Variants in ALAS1 observed in about 807,000 individuals in gnomAD.
ALAS1 encodes 5'-aminolevulinate synthase 1.
In ALAS1, 29 loss-of-function variants were observed where a neutral mutation model predicts 59.6. That is an observed-to-expected ratio of 0.49 (90% confidence interval 0.36 to 0.66). The LOEUF (loss-of-function observed/expected upper bound fraction) is 0.66. Ranked by LOEUF, ALAS1 falls within the 30% of genes least tolerant of loss-of-function variation. The pLI is 0.00. For missense variants in ALAS1, 690 were observed against 807.5 expected (o/e 0.85, Z 1.76); for synonymous variants, 299 against 296.6 (o/e 1.01, Z -0.08).
rs374639455 is a variant in ALAS1 at position 52,206,635 on chromosome 3, G to A, written c.1049G>A (p.Arg350Gln). 55 of 1,614,050 alleles carry A rather than the reference G, an allele frequency of 3.4e-5. No individual in the cohort carries two copies. The East Asian group carries it at 1.0e-3, about 29-fold the overall frequency. Residue 350 changes from arginine (R) to glutamine (Q), a missense_variant, in exon 8 of 12, where the codon CGA becomes CAA. Arg to Gln is a conservative substitution (Grantham distance 43, BLOSUM62 1). Coordinates refer to ENST00000484952, the MANE Select transcript of ALAS1 (RefSeq NM_000688.6). ...ATGATCCAAGGGATTCGAAACAGCCGAGTGCCAAAGTACATCTTCCGCCAC... is the reference window on the plus strand; with the variant it reads ...ATGATCCAAGGGATTCGAAACAGCCAAGTGCCAAAGTACATCTTCCGCCAC... ...ASMIQGIRNS[R>Q]VPKYIFRHND... is the part of the protein sequence containing the mutation.
chr3:52,204,568 A>G, intron 5 of ALAS1, 125 bp from the exon 6 acceptor site: 2 of 721,996 alleles, frequency 2.8e-6, no homozygotes, highest in Non-Finnish European at 4.7e-6. Context: ...TACTTACAAG[A>G]TGAGGACATC....
intron 7 of ALAS1, 96 bp from the exon 8 acceptor site, chr3:52,206,476 C>T: frequency 7.2e-7 from 1 of 1,397,054 alleles, no homozygotes; most frequent in Non-Finnish European, 9.9e-7. Flanking sequence ...TAGGCATTTT[C>T]AAAGCATCAT....
intron 9 of ALAS1, among the ~76,000 whole-genome samples, chr3:52,210,956 G>A (rs1394622895): frequency 1.3e-5 from 2 of 152,188 alleles, no homozygotes; most frequent in Non-Finnish European, 1.5e-5. Context: ...GGTATGGCGT[G>A]TTGCTCCTAG....
chr3:52,212,561 C>A (rs924790343), intron 11 of ALAS1, 141 bp downstream of exon 11: 9 of 1,113,364 alleles, frequency 8.1e-6, no homozygotes, highest in Non-Finnish European at 9.2e-6. Flanking sequence ...ACAAGAGTTT[C>A]GCTCTTGTTG....
At chr3:52,213,880 G>A (rs546242023) in intron 11 of ALAS1, 140 bp from the exon 12 acceptor site, 2 of 724,622 alleles carry the variant, frequency 2.8e-6, no homozygotes, top group African/African-American at 1.8e-5. Context: ...TCTATTGGTG[G>A]ACATTTGGTT....
At chr3:52,201,491 C>G (rs956964785) in intron 3 of ALAS1, among the ~76,000 whole-genome samples, 4 of 152,282 alleles carry the variant, frequency 2.6e-5, no homozygotes, top group East Asian at 3.9e-4. Context: ...GTGGCTCATG[C>G]CTGTAATTCC....
chr3:52,198,658 C>T lies in ALAS1; in HGVS notation c.-209-14C>T. The T allele has an allele frequency of 1.4e-6, 1 of 738,598 alleles. No individual in the cohort carries two copies. Among genetic ancestry groups the T allele is most frequent in the Non-Finnish European group, 2.3e-6 (1 of 442,550 alleles). 45.8% of individuals were successfully genotyped at this position (738,598 alleles called of 1,614,324 possible). A position where few individuals can be genotyped will look rare whatever the true frequency, so the allele number is the denominator to read the frequency against. ...CTCATACCCCTACCCTCATTTGTGC[C>T]CCTCCTTTCTCAGTTATGCCCAGTT... On this transcript the variant is annotated splice_polypyrimidine_tract_variant and intron_variant, in intron 1 of 11. Transcript: ENST00000484952.
intron 9 of ALAS1, 72 bp from the exon 10 acceptor site, chr3:52,211,211 A>G (rs1699398119): frequency 6.4e-7 from 1 of 1,555,700 alleles, no homozygotes; most frequent in Non-Finnish European, 8.7e-7. Context: ...TTGAGGCTCC[A>G]CAACACCTTG....
At chr3:52,208,659 T>A (rs1479648382) in intron 9 of ALAS1, among the ~76,000 whole-genome samples, 1 of 152,238 alleles carries the variant, frequency 6.6e-6, no homozygotes, top group East Asian at 1.9e-4. Flanking sequence ...GGGAACATTC[T>A]AATTCATCCT....
At chr3:52,212,188 T>C in intron 10 of ALAS1, 70 bp from the exon 11 acceptor site, 1 of 1,441,600 alleles carries the variant, frequency 6.9e-7, no homozygotes. Context: ...GGGGACTGCG[T>C]TCGTTAGGAT....
At position 52,204,928 on chromosome 3, in the gene ALAS1, T is replaced by C. The variant is rs1357666761; in HGVS notation, c.800+13T>C. 1.2e-6 allele frequency: 2 copies of C among 1,605,690 alleles called. No homozygotes were observed. Among genetic ancestry groups the C allele is most frequent in the East Asian group, 4.5e-5 (2 of 44,854 alleles). On this transcript the variant is annotated intron_variant, in intron 6 of 11. Coordinates refer to ENST00000484952, the MANE Select transcript of ALAS1 (RefSeq NM_000688.6). ...GTGGGGCAGTTATGTAAGTAGCCCT[T>C]GGCTTTCAAATATTACTGTTGTTAT... is the stretch of plus-strand genomic sequence containing the variant.
In ALAS1 at chr3:52,212,395, AC is replaced by A; in HGVS notation, c.1741del (p.Gln581ArgfsTer2). On this transcript the variant is annotated frameshift_variant, in exon 11 of 12. Coordinates refer to ENST00000484952, the MANE Select transcript of ALAS1 (RefSeq NM_000688.6). LOFTEE classifies it high-confidence loss of function. ...LRIAPTPHHT[P>X]QMMNYFLENL... Reference sequence around the variant, plus strand: ...GGATTGCCCCCACCCCTCACCACACACCCCAGATGATGAACTACTTCCTTGG... The same window carrying A: ...GGATTGCCCCCACCCCTCACCACACACCCAGATGATGAACTACTTCCTTGG... The A allele has an allele frequency of 6.2e-7, 1 of 1,613,746 alleles. No individual in the cohort carries two copies.
At position 52,198,657 on chromosome 3, in the gene ALAS1, C is replaced by T. The variant is rs1368499015; in HGVS notation, c.-209-15C>T. The T allele has an allele frequency of 4.1e-6, 3 of 732,520 alleles. No homozygotes were observed. In the East Asian group the frequency reaches 8.0e-5, roughly 20 times the overall value. The allele number at this position is 732,520 out of a possible 1,614,324, so 45.4% of individuals were successfully genotyped here. A position where few individuals can be genotyped will look rare whatever the true frequency, so the allele number is the denominator to read the frequency against. On this transcript the variant is annotated splice_polypyrimidine_tract_variant and intron_variant, in intron 1 of 11. Coordinates refer to ENST00000484952, the MANE Select transcript of ALAS1 (RefSeq NM_000688.6). ...CCTCATACCCCTACCCTCATTTGTGCCCCTCCTTTCTCAGTTATGCCCAGT... is the reference window on the plus strand; with the variant it reads ...CCTCATACCCCTACCCTCATTTGTGTCCCTCCTTTCTCAGTTATGCCCAGT...
intron 4 of ALAS1, among the ~76,000 whole-genome samples, 199 bp from the exon 5 acceptor site, chr3:52,203,664 G>C (rs1699235992): frequency 6.6e-6 from 1 of 152,196 alleles, no homozygotes; most frequent in Admixed American, 6.5e-5. Flanking sequence ...CAGTAGCTCT[G>C]AAAACAACAC....
chr3:52,198,112 G>C (rs1699104191), upstream of ALAS1: 1 of 397,886 alleles, frequency 2.5e-6, no homozygotes, highest in African/African-American at 2.1e-5. Context: ...AGGCGCATGC[G>C]CAGCGGTCAC....
At chr3:52,212,537 G>GTTT in intron 11 of ALAS1, 117 bp downstream of exon 11, 10 of 1,215,726 alleles carry the variant, frequency 8.2e-6, no homozygotes, top group Non-Finnish European at 1.0e-5. Context: ...TCTTTTTTTA[G>GTTT]TTTTTTTTTT....
chr3:52,205,054 A>G, intron 6 of ALAS1, 139 bp downstream of exon 6: 1 of 727,462 alleles, frequency 1.4e-6, no homozygotes, highest in South Asian at 1.8e-5. Context: ...TAGCTTCTGA[A>G]AAATATCTAC....
chr3:52,212,429 C>G lies in ALAS1; in HGVS notation c.1762+9C>G. On this transcript the variant is annotated intron_variant, in intron 11 of 11. Coordinates refer to ENST00000484952, the MANE Select transcript of ALAS1 (RefSeq NM_000688.6). ...GATGAACTACTTCCTTGGTGAGTAC[C>G]TGGGGAGCTGCTGGTGCCTCACTGA... 1.2e-6 allele frequency: 2 copies of G among 1,613,758 alleles called. No homozygotes were observed. The highest frequency in any genetic ancestry group is 1.7e-6 in the Non-Finnish European group (2 of 1,179,930).
At chr3:52,207,969 C>A in intron 8 of ALAS1, 114 bp from the exon 9 acceptor site, 1 of 1,132,376 alleles carries the variant, frequency 8.8e-7, no homozygotes, top group Non-Finnish European at 1.2e-6. Context: ...CATTTTCTTT[C>A]CAATATTGAA....
Sources: allele counts gnomAD v4.1 joint callset (sites outside exome capture counted in the v4.1 genomes callset), GRCh38; gene constraint gnomAD v4.1.1; transcripts MANE v1.5; gene names NCBI Gene and HGNC (gene_info 2026-07-23, HGNC 2026-07-21).